The following ELMOD1 variants were observed in gnomAD, a reference collection of about 807,000 sequenced individuals.
The protein encoded by ELMOD1 is ELMO domain-containing protein 1.
ELMOD1 carries 21 observed loss-of-function variants against 46.7 expected under a neutral mutation model. The observed-to-expected ratio is 0.45, with a 90% CI of 0.32 to 0.65. The LOEUF (loss-of-function observed/expected upper bound fraction) is 0.65. Among genes scored for constraint, ELMOD1 ranks in the 30% least tolerant of loss-of-function variants. The probability of loss-of-function intolerance (pLI) is 0.04; values close to 1 mark genes in which losing one functional copy is unlikely to be tolerated. For missense variants in ELMOD1, 348 were observed against 407.8 expected, an observed-to-expected ratio of 0.85 and a Z score of 1.26; for synonymous variants, 122 against 138.2, an observed-to-expected ratio of 0.88 and a Z score of 0.82.
intron 1 of ELMOD1, among the ~76,000 whole-genome samples, chr11:107,597,254 A>G (rs1239452613): frequency 3.3e-5 from 5 of 152,216 alleles, no homozygotes; most frequent in Non-Finnish European, 7.4e-5. Flanking sequence ...AACTAAGATT[A>G]TATTTTAAAA....
At chr11:107,616,017 A>G (rs1375428258) in intron 1 of ELMOD1, among the ~76,000 whole-genome samples, 9 of 97,534 alleles carry the variant, frequency 9.2e-5, no homozygotes, top group Non-Finnish European at 1.5e-4. Flanking sequence ...TTTTTTTGAG[A>G]CAGAGTCTCA....
chr11:107,639,938 C>T (rs182460377), intron 6 of ELMOD1, among the ~76,000 whole-genome samples: 7 of 152,164 alleles, frequency 4.6e-5, no homozygotes, highest in African/African-American at 1.2e-4. Flanking sequence ...CCATTCCCTA[C>T]TCTTATTTTT....
At chr11:107,650,468 A>G (rs1051689695) in intron 8 of ELMOD1, 65 bp downstream of exon 8, 5 of 1,113,574 alleles carry the variant, frequency 4.5e-6, no homozygotes, top group South Asian at 1.3e-5. Context: ...TTCATCTCCT[A>G]CATGTATCTG....
At chr11:107,596,397 A>G (rs1865493375) in intron 1 of ELMOD1, among the ~76,000 whole-genome samples, 1 of 152,112 alleles carries the variant, frequency 6.6e-6, no homozygotes, top group Non-Finnish European at 1.5e-5. Context: ...AATCTTTGGA[A>G]TGAATTTACT....
At chr11:107,616,400 G>A (rs1470250779) in intron 1 of ELMOD1, among the ~76,000 whole-genome samples, 2 of 151,786 alleles carry the variant, frequency 1.3e-5, no homozygotes, top group Non-Finnish European at 2.9e-5. Flanking sequence ...TTGTTTTTGA[G>A]ACAGAGTCTC....
rs61906391 is a variant in ELMOD1, at chr11:107,650,257, C to A, written c.555-78C>A. 5 of 1,042,558 alleles carry A rather than the reference C, an allele frequency of 4.8e-6. No homozygotes were observed. In the Admixed American group the frequency reaches 6.1e-5, roughly 13 times the overall value. 64.6% of individuals were successfully genotyped at this position (1,042,558 alleles called of 1,614,324 possible). ...GTATCCATCTCTGGATTCAAAATGACCTCGAATTGGATTAAAATGAATATA... is the reference window on the plus strand; with the variant it reads ...GTATCCATCTCTGGATTCAAAATGAACTCGAATTGGATTAAAATGAATATA... On this transcript the variant is annotated intron_variant, in intron 7 of 11. Coordinates refer to ENST00000265840, the MANE Select transcript of ELMOD1 (RefSeq NM_018712.4).
chr11:107,605,318 G>C (rs1347446594), intron 1 of ELMOD1, among the ~76,000 whole-genome samples: 1 of 151,284 alleles, frequency 6.6e-6, no homozygotes, highest in Non-Finnish European at 1.5e-5. Flanking sequence ...TCCCAACTCA[G>C]CCTCCCTAGT....
chr11:107,593,554 G>A (rs1232212059), intron 1 of ELMOD1, among the ~76,000 whole-genome samples: 1 of 152,140 alleles, frequency 6.6e-6, no homozygotes, highest in Non-Finnish European at 1.5e-5. Context: ...AGAAGTTTGC[G>A]GAGCTTGCAT....
intron 7 of ELMOD1, among the ~76,000 whole-genome samples, chr11:107,648,852 TA>T (rs1397602520): frequency 3.9e-5 from 6 of 152,282 alleles, no homozygotes; most frequent in Admixed American, 1.3e-4. Context: ...TTGTACTTGT[TA>T]TTTTTTTCAT....
In ELMOD1 at chr11:107,665,176, G is replaced by A. The variant is rs766010405; in HGVS notation, c.984G>A (p.Ser328=). Reference sequence around the variant, plus strand: ...CGCTGTGCCCACATTTTGCTGCCTCGGAAGGTTTAATCAACATGTAGTTGC... The same window carrying A: ...CGCTGTGCCCACATTTTGCTGCCTCAGAAGGTTTAATCAACATGTAGTTGC... ...DMALCPHFAA[S]EGLINM Residue 328 remains serine, a synonymous_variant, in exon 12 of 12, where the codon TCG becomes TCA. Transcript: ENST00000265840. The A allele has an allele frequency of 2.7e-5, 44 of 1,613,774 alleles. No homozygotes were observed. In the Middle Eastern group the frequency reaches 4.9e-4, roughly 18 times the overall value.
intron 2 of ELMOD1, among the ~76,000 whole-genome samples, chr11:107,626,727 T>C (rs1448441696): frequency 6.6e-6 from 1 of 151,774 alleles, no homozygotes; most frequent in Non-Finnish European, 1.5e-5. Context: ...ATTTCTTTAT[T>C]GCTTCCTTTA....
chr11:107,615,380 C>T (rs11212300), intron 1 of ELMOD1, among the ~76,000 whole-genome samples: 1 of 151,690 alleles, frequency 6.6e-6, no homozygotes, highest in Non-Finnish European at 1.5e-5. Flanking sequence ...GGATTACAGG[C>T]ACGCGCTGCC....
At chr11:107,651,242 T>C (rs555431014) in intron 9 of ELMOD1, among the ~76,000 whole-genome samples, 2 of 152,350 alleles carry the variant, frequency 1.3e-5, no homozygotes, top group African/African-American at 4.8e-5. Context: ...TTGGGAATTC[T>C]GTTGCACAGA....
chr11:107,616,441 G>A (rs142875909), intron 1 of ELMOD1, among the ~76,000 whole-genome samples: 58 of 152,150 alleles, frequency 3.8e-4, no homozygotes, highest in African/African-American at 1.2e-3. Context: ...GTGCAGTGGC[G>A]CATTCTCGGG....
At chr11:107,615,972 T>G (rs1865855557) in intron 1 of ELMOD1, among the ~76,000 whole-genome samples, 1 of 145,906 alleles carries the variant, frequency 6.9e-6, no homozygotes, top group African/African-American at 2.5e-5. Context: ...AGGCAGTGTT[T>G]GTCAGGTTTT....
intron 6 of ELMOD1, among the ~76,000 whole-genome samples, chr11:107,644,672 T>C (rs530160958): frequency 1.3e-5 from 2 of 151,694 alleles, no homozygotes; most frequent in Non-Finnish European, 2.9e-5. Context: ...GACGGGGTTT[T>C]ACCGTGTTAG....
intron 11 of ELMOD1, among the ~76,000 whole-genome samples, chr11:107,663,559 C>T (rs1359900369): frequency 1.3e-5 from 2 of 151,752 alleles, no homozygotes; most frequent in Middle Eastern, 3.4e-3. Flanking sequence ...ACAGAGAGAC[C>T]ACATACTTAA....
intron 6 of ELMOD1, among the ~76,000 whole-genome samples, chr11:107,637,980 A>C (rs1462567303): frequency 1.3e-5 from 2 of 152,144 alleles, no homozygotes; most frequent in Non-Finnish European, 2.9e-5. Flanking sequence ...GCATCTTAGC[A>C]TGGCATTTTG....
At chr11:107,624,585 G>A (rs933814038) in intron 2 of ELMOD1, among the ~76,000 whole-genome samples, 38 of 152,160 alleles carry the variant, frequency 2.5e-4, no homozygotes, top group Admixed American at 7.2e-4. Flanking sequence ...CAGAGAGGTC[G>A]AGGCTGCTTC....
Sources: allele counts gnomAD v4.1 joint callset (sites outside exome capture counted in the v4.1 genomes callset), GRCh38; gene constraint gnomAD v4.1.1; transcripts MANE v1.5; gene names NCBI Gene and HGNC (gene_info 2026-07-23, HGNC 2026-07-21).